Variants in MKLN1 observed in about 807,000 individuals in gnomAD.
MKLN1 encodes muskelin.
MKLN1 carries 18 observed loss-of-function variants against 99.0 expected under a neutral mutation model. That is an observed-to-expected ratio of 0.18 (90% CI 0.13 to 0.27). MKLN1 has a LOEUF of 0.27. Ranked by LOEUF, MKLN1 falls within the 10% of genes least tolerant of loss-of-function variation. MKLN1 has a pLI of 1.00. For synonymous variants in MKLN1, 288 were observed against 293.2 expected (o/e 0.98, Z 0.18); for missense variants, 621 against 875.9 (o/e 0.71, Z 3.67).
In MKLN1 at chr7:131,437,847, C is replaced by T; in HGVS notation, c.1023C>T (p.Tyr341=). The change falls in exon 10 of 18, where the codon TAC becomes TAT. Residue 341 remains tyrosine (Y), a synonymous_variant. Coordinates refer to ENST00000352689, the MANE Select transcript of MKLN1 (RefSeq NM_013255.5). Reference sequence around the variant, plus strand: ...TTGATATTCAACGGAGGCAAATCTACACATTGGGGCGTTACTTGGATTCCT... The same window carrying T: ...TTGATATTCAACGGAGGCAAATCTATACATTGGGGCGTTACTTGGATTCCT... ...MCIDIQRRQI[Y]TLGRYLDSSV... is the part of the protein sequence containing the mutation. The T allele has an allele frequency of 6.2e-7, 1 of 1,613,848 alleles. No individual in the cohort carries two copies. The highest frequency in any genetic ancestry group is 8.5e-7 in the Non-Finnish European group (1 of 1,179,880).
intron 2 of MKLN1, among the ~76,000 whole-genome samples, chr7:131,167,680 A>AAAAT (rs1489325318): frequency 3.3e-5 from 5 of 151,920 alleles, no homozygotes; most frequent in Admixed American, 3.3e-4. Context: ...TCAAAAAAAA[A>AAAAT]AAAAAATAAT....
At chr7:131,458,870 T>A (rs1796426280) in intron 12 of MKLN1, among the ~76,000 whole-genome samples, 1 of 152,216 alleles carries the variant, frequency 6.6e-6, no homozygotes, top group Admixed American at 6.5e-5. Context: ...CTAGCATTCA[T>A]TGTTACTGAT....
At chr7:131,132,369 A>G (rs531972849) in intron 1 of MKLN1, among the ~76,000 whole-genome samples, 1 of 152,342 alleles carries the variant, frequency 6.6e-6, no homozygotes, top group East Asian at 1.9e-4. Context: ...ACATTTTAAA[A>G]GGGACTTTGA....
At chr7:131,286,775 G>A (rs1390938425) in intron 3 of MKLN1, among the ~76,000 whole-genome samples, 5 of 152,166 alleles carry the variant, frequency 3.3e-5, no homozygotes, top group Non-Finnish European at 7.3e-5. Context: ...CTACAACTCA[G>A]GAGCATATAG....
At chr7:131,227,516 T>TCTTTCTTTCTTTCTTTCTTC (rs1797173217) in intron 3 of MKLN1, among the ~76,000 whole-genome samples, 1 of 147,878 alleles carries the variant, frequency 6.8e-6, no homozygotes, top group Non-Finnish European at 1.5e-5. Context: ...TTTCTTTCTT[T>TCTTTCTTTCTTTCTTTCTTC]CTTTCTTTCT....
intron 12 of MKLN1, among the ~76,000 whole-genome samples, chr7:131,450,308 C>G (rs1234717789): frequency 1.3e-5 from 2 of 152,146 alleles, no homozygotes; most frequent in Non-Finnish European, 2.9e-5. Context: ...AAGCTACGCA[C>G]TAGGAGTACA....
chr7:131,479,791 C>T lies in MKLN1; in HGVS notation c.2086+1114C>T, dbSNP rs544380077. ...GCAGTGAGCCGAGATTGCGCCACTG[C>T]ACTCCAGCCTGGGCGACAGAGTGAG... On this transcript the variant is annotated intron_variant, in intron 17 of 17. Transcript: ENST00000352689. Among the ~76,000 whole-genome samples the T allele has an allele frequency of 2.0e-5, 3 of 151,808 alleles. No homozygotes were observed. In the South Asian group the frequency reaches 6.2e-4, roughly 32 times the overall value.
Position 131,440,660 on chromosome 7 carries a change from A to G in MKLN1, c.1173+2663A>G, listed in dbSNP as rs1795811548. Among the ~76,000 whole-genome samples the G allele has an allele frequency of 2.6e-5, 4 of 152,270 alleles. No individual in the cohort carries two copies. The South Asian group carries it at 8.3e-4, about 32-fold the overall frequency. ...AATGATCATATAGCATAGGAATAAG[A>G]TAAAACAAAGAGGTAAAAATGATTA... On this transcript the variant is annotated intron_variant, in intron 10 of 17. Coordinates refer to ENST00000352689, the MANE Select transcript of MKLN1 (RefSeq NM_013255.5).
chr7:131,341,793 T>A (rs577272308), intron 1 of MKLN1, among the ~76,000 whole-genome samples: 1 of 152,364 alleles, frequency 6.6e-6, no homozygotes, highest in East Asian at 1.9e-4. Context: ...CCCTTGCATG[T>A]GCAGTTCATA....
intron 1 of MKLN1, among the ~76,000 whole-genome samples, chr7:131,361,648 C>T (rs1427106412): frequency 6.7e-6 from 1 of 148,850 alleles, no homozygotes; most frequent in African/African-American, 2.5e-5. Context: ...TTAAATCTCT[C>T]TGAGGAAGTT....
intron 1 of MKLN1, among the ~76,000 whole-genome samples, chr7:131,357,219 C>T (rs959503990): frequency 3.3e-5 from 5 of 152,172 alleles, no homozygotes; most frequent in Admixed American, 2.6e-4. Context: ...ATGTCTCAGG[C>T]TCATCTTGAC....
intron 8 of MKLN1, among the ~76,000 whole-genome samples, chr7:131,418,089 C>G (rs10215933): frequency 1.3e-5 from 2 of 152,126 alleles, no homozygotes; most frequent in Non-Finnish European, 2.9e-5. Flanking sequence ...ATAGAGATGG[C>G]CGGGCACGGT....
At chr7:131,146,231 A>G (rs1795813774) in intron 2 of MKLN1, among the ~76,000 whole-genome samples, 1 of 152,156 alleles carries the variant, frequency 6.6e-6, no homozygotes, top group South Asian at 2.1e-4. Context: ...AGTCCCAGAT[A>G]CTGGGGAGGC....
chr7:131,416,434 G>A (rs1477433828), intron 8 of MKLN1, among the ~76,000 whole-genome samples: 9 of 151,766 alleles, frequency 5.9e-5, no homozygotes, highest in Admixed American at 3.9e-4. Flanking sequence ...CTTAGTGTGA[G>A]CAAGTCATTG....
At position 131,407,297 on chromosome 7, in the gene MKLN1, C is replaced by T. The variant is rs1455567779; in HGVS notation, c.704-4009C>T. ...ACTGCTTATATCTCTAATCTGTACT[C>T]ATGTTTCATAGAGAGAGTTGCTTTT... On this transcript the variant is annotated intron_variant, in intron 6 of 17. Transcript: ENST00000352689. Among the ~76,000 whole-genome samples, 3 of 152,080 alleles carry T rather than the reference C, an allele frequency of 2.0e-5. No homozygotes were observed. The East Asian group carries it at 5.8e-4, about 29-fold the overall frequency.
chr7:131,452,544 C>CTTTTTTTTTTTTTT (rs1159344518), intron 12 of MKLN1, among the ~76,000 whole-genome samples: 3 of 70,352 alleles, frequency 4.3e-5, no homozygotes, highest in Admixed American at 4.4e-4. Context: ...TCCTTTTATA[C>CTTTTTTTTTTTTTT]TTTTTTTTTT....
chr7:131,226,406 G>A (rs1232270248), intron 3 of MKLN1, among the ~76,000 whole-genome samples: 2 of 152,188 alleles, frequency 1.3e-5, no homozygotes, highest in African/African-American at 4.8e-5. Context: ...CGCCATTAGG[G>A]CTTTCAGAGC....
At chr7:131,291,094 C>CATTTTATTTT (rs146161248) in intron 3 of MKLN1, among the ~76,000 whole-genome samples, 11 of 142,956 alleles carry the variant, frequency 7.7e-5, no homozygotes, top group South Asian at 4.5e-4. Flanking sequence ...CCTTTTATCT[C>CATTTTATTTT]ATTTTATTTT....
intron 4 of MKLN1, among the ~76,000 whole-genome samples, chr7:131,394,296 C>T (rs1158035276): frequency 1.3e-5 from 2 of 151,978 alleles, no homozygotes; most frequent in Non-Finnish European, 2.9e-5. Flanking sequence ...TATCAGTGGT[C>T]CCCAACCTTT....
Sources: allele counts gnomAD v4.1 joint callset (sites outside exome capture counted in the v4.1 genomes callset), GRCh38; gene constraint gnomAD v4.1.1; transcripts MANE v1.5; gene names NCBI Gene and HGNC (gene_info 2026-07-23, HGNC 2026-07-21).